Variants in CBFB observed in about 807,000 individuals in gnomAD.
The protein encoded by CBFB is CBF-beta.
A neutral mutation model predicts 30.4 loss-of-function variants in CBFB; 9 were observed. The observed-to-expected ratio is 0.30, with a 90% confidence interval of 0.18 to 0.52. The LOEUF is 0.52. Ranked by LOEUF, CBFB falls within the 20% of genes least tolerant of loss-of-function variation. The pLI, the probability that CBFB is intolerant of heterozygous loss-of-function variation, is 0.97. For synonymous variants in CBFB, 94 were observed against 84.0 expected (o/e 1.12, Z -0.65); for missense variants, 170 against 244.0 (o/e 0.70, Z 2.02).
intron 3 of CBFB, among the ~76,000 whole-genome samples, chr16:67,045,777 C>A (rs66907233): frequency 1.3e-5 from 2 of 151,198 alleles, no homozygotes; most frequent in African/African-American, 4.9e-5. Context: ...CTCTTCCCCT[C>A]CTTCCTTCTA....
intron 2 of CBFB, among the ~76,000 whole-genome samples, chr16:67,032,486 G>T (rs776592308): frequency 2.6e-5 from 4 of 152,182 alleles, no homozygotes; most frequent in African/African-American, 4.8e-5. Flanking sequence ...ATTTGGAGAG[G>T]AATTTCACGT....
At chr16:67,081,470 T>A (rs148578579) in intron 4 of CBFB, among the ~76,000 whole-genome samples, 2 of 151,884 alleles carry the variant, frequency 1.3e-5, no homozygotes, top group East Asian at 3.9e-4. Flanking sequence ...TTTTTAATGG[T>A]GTTGATGTTT....
chr16:67,042,683 TC>T (rs934555982), intron 3 of CBFB, among the ~76,000 whole-genome samples: 55 of 152,190 alleles, frequency 3.6e-4, no homozygotes, highest in African/African-American at 1.3e-3. Context: ...TGGCTTCACT[TC>T]CTAGTCATGC....
intron 4 of CBFB, among the ~76,000 whole-genome samples, chr16:67,073,346 TATTTATG>T (rs1228401243): frequency 1.3e-5 from 2 of 152,242 alleles, no homozygotes; most frequent in Non-Finnish European, 2.9e-5. Context: ...ATTCTGTCTC[TATTTATG>T]ATTCTTCTGA....
intron 3 of CBFB, among the ~76,000 whole-genome samples, chr16:67,061,918 GATACTT>G (rs1177748512): frequency 3.9e-5 from 6 of 152,004 alleles, no homozygotes; most frequent in African/African-American, 1.4e-4. Context: ...TGTACTCTCA[GATACTT>G]GGGAGGCTGA....
At chr16:67,047,420 A>G (rs956332761) in intron 3 of CBFB, among the ~76,000 whole-genome samples, 1 of 152,210 alleles carries the variant, frequency 6.6e-6, no homozygotes, top group Non-Finnish European at 1.5e-5. Flanking sequence ...TTACCCATGT[A>G]TGCAGTCAGT....
chr16:67,044,546 A>G (rs893805916), intron 3 of CBFB, among the ~76,000 whole-genome samples: 30 of 152,270 alleles, frequency 2.0e-4, no homozygotes, highest in Admixed American at 1.7e-3. Flanking sequence ...TCTGGACTTT[A>G]TACTTAAAAG....
At chr16:67,040,010 A>G (rs1966503968) in intron 3 of CBFB, among the ~76,000 whole-genome samples, 1 of 152,334 alleles carries the variant, frequency 6.6e-6, no homozygotes, top group African/African-American at 2.4e-5. Flanking sequence ...AAGAAAAAAA[A>G]GCATTTTAAG....
At position 67,074,681 on chromosome 16, in the gene CBFB, G is replaced by A. The variant is rs72796201; in HGVS notation, c.400-7532G>A. On this transcript the variant is annotated intron_variant, in intron 4 of 5. Coordinates refer to ENST00000412916, the MANE Select transcript of CBFB (RefSeq NM_022845.3). ...CAGGCATGAGCCACTGTGCCCGGCC[G>A]AAACAGTAAAGCTTTTTAAAGGAAA... Among the ~76,000 whole-genome samples, 375 of 152,080 alleles carry A rather than the reference G, an allele frequency of 2.5e-3. 2 individuals carry two copies. The highest frequency in any genetic ancestry group is 0.01 in the Middle Eastern group (3 of 294).
At chr16:67,050,718 A>T (rs978225071) in intron 3 of CBFB, among the ~76,000 whole-genome samples, 7 of 152,088 alleles carry the variant, frequency 4.6e-5, no homozygotes, top group African/African-American at 1.7e-4. Context: ...GCTTGAACCT[A>T]GGAGTTTGAG....
intron 3 of CBFB, among the ~76,000 whole-genome samples, chr16:67,039,498 A>G (rs1168633202): frequency 6.6e-6 from 1 of 152,174 alleles, no homozygotes; most frequent in Non-Finnish European, 1.5e-5. Context: ...TTGCACTGCA[A>G]TGTTAAAATG....
At chr16:67,082,167 T>C (rs760851558) in intron 4 of CBFB, 46 bp from the exon 5 acceptor site, 1 of 1,436,222 alleles carries the variant, frequency 7.0e-7, no homozygotes, top group Admixed American at 2.4e-5. Flanking sequence ...TATTGTATTT[T>C]TTTTATAAAT....
At chr16:67,084,553 G>A (rs1961664983) in intron 5 of CBFB, among the ~76,000 whole-genome samples, 2 of 152,162 alleles carry the variant, frequency 1.3e-5, no homozygotes, top group Non-Finnish European at 2.9e-5. Flanking sequence ...GATGAAGAGA[G>A]TTCTAGTTGG....
chr16:67,077,573 G>A (rs1387181228), intron 4 of CBFB, among the ~76,000 whole-genome samples: 1 of 152,088 alleles, frequency 6.6e-6, no homozygotes, highest in African/African-American at 2.4e-5. Context: ...TGGTTTTCAT[G>A]TGATCAGTGA....
chr16:67,080,046 C>G (rs959072621), intron 4 of CBFB, among the ~76,000 whole-genome samples: 5 of 152,102 alleles, frequency 3.3e-5, no homozygotes, highest in Non-Finnish European at 7.4e-5. Context: ...GAGCAGAGAT[C>G]ACACTGCTGT....
At chr16:67,074,211 C>T (rs990372263) in intron 4 of CBFB, among the ~76,000 whole-genome samples, 1 of 120,622 alleles carries the variant, frequency 8.3e-6, no homozygotes, top group African/African-American at 3.3e-5. Context: ...TAAACAAAGA[C>T]AAAGGTGACA....
In CBFB at chr16:67,077,154, A is replaced by G. The variant is rs554235293; in HGVS notation, c.400-5059A>G. Among the ~76,000 whole-genome samples the G allele has an allele frequency of 9.8e-5, 15 of 152,336 alleles. No individual in the cohort carries two copies. In the South Asian group the frequency reaches 2.7e-3, roughly 27 times the overall value. ...ACATTTGTATTACCAACATAAGCCA[A>G]TAATTTTATCTTCATTGTTGTACTT... On this transcript the variant is annotated intron_variant, in intron 4 of 5. Transcript: ENST00000412916.
At position 67,030,031 on chromosome 16, in the gene CBFB, G is replaced by T; in HGVS notation, c.165+218G>T. 1.3e-5 allele frequency: 6 copies of T among 455,288 alleles called. No individual in the cohort carries two copies. The South Asian group carries it at 2.2e-4, about 16-fold the overall frequency. 28.2% of individuals were successfully genotyped at this position (455,288 alleles called of 1,614,324 possible). A position where few individuals can be genotyped will look rare whatever the true frequency, so the allele number is the denominator to read the frequency against. ...GGGCTCGCCGCGGTGGCGCGTGTCG[G>T]CCAACGGAGCACCGCGAGTGGAGCT... is the stretch of plus-strand genomic sequence containing the variant. On this transcript the variant is annotated intron_variant, in intron 2 of 5. Coordinates refer to ENST00000412916, the MANE Select transcript of CBFB (RefSeq NM_022845.3).
chr16:67,033,919 C>G (rs1418830938), intron 2 of CBFB, among the ~76,000 whole-genome samples: 1 of 150,124 alleles, frequency 6.7e-6, no homozygotes, highest in Non-Finnish European at 1.5e-5. Context: ...ACCTCTGCCT[C>G]CTGGGTTCAC....
Sources: gnomAD v4.1 joint callset for allele counts (sites outside exome capture counted in the v4.1 genomes callset) on GRCh38, gnomAD v4.1.1 for gene constraint, MANE v1.5 for transcripts, NCBI Gene and HGNC (gene_info 2026-07-23, HGNC 2026-07-21) for gene names.